The following ADAM20 variants were observed in gnomAD, a reference collection of about 807,000 sequenced individuals.
ADAM20 encodes ADAM metallopeptidase domain 20, also known as disintegrin and metalloproteinase domain-containing protein 20.
For missense variants in ADAM20, 871 were observed against 883.2 expected (o/e 0.99, Z 0.18); for synonymous variants, 305 against 310.2 (o/e 0.98, Z 0.18).
the ADAM20 span, among the ~76,000 whole-genome samples, chr14:70,544,045 G>A: frequency 2.2e-4 from 33 of 151,474 alleles, 1 homozygote; most frequent in Non-Finnish European, 4.1e-4. Context: ...CCAGAGACAC[G>A]CCAGCCCCGA....
At chr14:70,544,985 A>G in the ADAM20 span, among the ~76,000 whole-genome samples, 1 of 152,226 alleles carries the variant, frequency 6.6e-6, no homozygotes, top group African/African-American at 2.4e-5. Context: ...TGTAAGTATT[A>G]GTTCCTATAC....
At position 70,524,269 on chromosome 14, in the gene ADAM20, ACTGT is replaced by A. The variant is rs1226685738; in HGVS notation, c.485_488del (p.Asp162ValfsTer9). On this transcript the variant is annotated frameshift_variant, in exon 2 of 2. Coordinates refer to ENST00000256389, the MANE Select transcript of ADAM20 (RefSeq NM_003814.5). LOFTEE classifies it low-confidence loss of function (END_TRUNC). Reference sequence around the variant, plus strand: ...TCATAGGTGGAAACTGTGTATCATCACTGTCTATCTTATATACTAGGTGTTCAAA... The same window carrying A: ...TCATAGGTGGAAACTGTGTATCATCACTATCTTATATACTAGGTGTTCAAA... The A allele has an allele frequency of 6.2e-7, 1 of 1,613,906 alleles. No homozygotes were observed. The highest frequency in any genetic ancestry group is 8.5e-7 in the Non-Finnish European group (1 of 1,179,950).
At chr14:70,578,904 T>A in the ADAM20 span, among the ~76,000 whole-genome samples, 1 of 152,180 alleles carries the variant, frequency 6.6e-6, no homozygotes, top group Admixed American at 6.5e-5. Context: ...GTGCACTCAA[T>A]GTATAGCTCC....
the ADAM20 span, among the ~76,000 whole-genome samples, chr14:70,566,712 G>A: frequency 7.2e-5 from 11 of 152,312 alleles, no homozygotes; most frequent in South Asian, 2.3e-3. Flanking sequence ...GGGCGCGGTG[G>A]CTCACACTTG....
chr14:70,537,749 T>C (rs934770376), upstream of ADAM20, among the ~76,000 whole-genome samples: 12 of 152,248 alleles, frequency 7.9e-5, no homozygotes, highest in African/African-American at 2.9e-4. Flanking sequence ...CTCGCCAAAC[T>C]TGACATATGC....
chr14:70,530,402 T>C (rs1364087738), intron 1 of ADAM20, among the ~76,000 whole-genome samples: 1 of 152,188 alleles, frequency 6.6e-6, no homozygotes, highest in African/African-American at 2.4e-5. Context: ...TACAGTTAGC[T>C]AACTTTTAAA....
At chr14:70,578,934 G>A in the ADAM20 span, among the ~76,000 whole-genome samples, 74 of 152,136 alleles carry the variant, frequency 4.9e-4, no homozygotes, top group Admixed American at 3.4e-3. Flanking sequence ...GTCAGAACAT[G>A]TGGTATTTGG....
chr14:70,569,473 G>C, the ADAM20 span, among the ~76,000 whole-genome samples: 1 of 152,124 alleles, frequency 6.6e-6, no homozygotes. Flanking sequence ...AAAAGACACA[G>C]AGTGGCAAAT....
chr14:70,537,721 G>A (rs2139546739), upstream of ADAM20, among the ~76,000 whole-genome samples: 1 of 152,136 alleles, frequency 6.6e-6, no homozygotes, highest in East Asian at 1.9e-4. Flanking sequence ...CTCTCCACTG[G>A]GCTGTCTCCT....
At chr14:70,554,846 TACAA>T in the ADAM20 span, among the ~76,000 whole-genome samples, 31 of 152,114 alleles carry the variant, frequency 2.0e-4, no homozygotes, top group African/African-American at 7.0e-4. Flanking sequence ...GGACAAAACG[TACAA>T]ACAGAGCAAG....
chr14:70,522,845 T>C lies in ADAM20; in HGVS notation c.1913A>G (p.Lys638Arg). 1 of 1,614,100 alleles carries C rather than the reference T, an allele frequency of 6.2e-7. No individual in the cohort carries two copies. The highest frequency in any genetic ancestry group is 8.5e-7 in the Non-Finnish European group (1 of 1,179,948). Residue 638 changes from lysine to arginine, a missense_variant, in exon 2 of 2, where the codon AAG becomes AGG. Transcript: ENST00000256389. ...GCAGATTCCCCTCATGTTGCAGGTC[T>C]TAGGCTGACAGGCTTGTGACAGATG... is the stretch of plus-strand genomic sequence containing the variant. ...MVHLSQACQP[K>R]TCNMRGICNN...
In ADAM20 at chr14:70,522,963, C is replaced by T. The variant is rs775376552; in HGVS notation, c.1795G>A (p.Gly599Arg). ...TCACCAATATCAGGTATAGCCATCC[C>T]TAAATGATAATCAGTGCCCCAGCAA... Reference protein sequence around the residue: ...TTCWGTDYHLGMAIPDIGEVK... With the variant: ...TTCWGTDYHLRMAIPDIGEVK... The change falls in exon 2 of 2, where the codon GGG becomes AGG. Residue 599 changes from glycine to arginine, a missense_variant. Physicochemically the swap from Gly to Arg is moderately radical, Grantham distance 125 (BLOSUM62 -2). Coordinates refer to ENST00000256389, the MANE Select transcript of ADAM20 (RefSeq NM_003814.5). The T allele has an allele frequency of 2.9e-5, 47 of 1,613,912 alleles. No homozygotes were observed. The highest frequency in any genetic ancestry group is 3.9e-5 in the Non-Finnish European group (46 of 1,179,954).
chr14:70,554,930 G>T, the ADAM20 span, among the ~76,000 whole-genome samples: 3 of 152,184 alleles, frequency 2.0e-5, no homozygotes, highest in African/African-American at 7.2e-5. Context: ...GAGCATGGGG[G>T]CTCAAAGGCG....
chr14:70,524,233 T>C lies in ADAM20; in HGVS notation c.525A>G (p.Leu175=), dbSNP rs1356641938. The part of the protein sequence containing the change: ...DTQFPPMRCG[L]TEEKIAHQME... ...TCTGGTGTGCTATTTTCTCTTCTGT[T>C]AACCCACATCTCATAGGTGGAAACT... Residue 175 remains leucine, a synonymous_variant, in exon 2 of 2, where the codon TTA becomes TTG. Coordinates refer to ENST00000256389, the MANE Select transcript of ADAM20 (RefSeq NM_003814.5). 6.2e-7 allele frequency: 1 copy of C among 1,614,038 alleles called. No homozygotes were observed. The highest frequency in any genetic ancestry group is 2.2e-5 in the East Asian group (1 of 44,888).
chr14:70,538,011 T>C (rs896774142), upstream of ADAM20, among the ~76,000 whole-genome samples: 1 of 152,044 alleles, frequency 6.6e-6, no homozygotes, highest in African/African-American at 2.4e-5. Flanking sequence ...GGTCTCTCCT[T>C]CCTCCAAAAC....
At chr14:70,556,037 CA>C in the ADAM20 span, among the ~76,000 whole-genome samples, 1 of 152,200 alleles carries the variant, frequency 6.6e-6, no homozygotes, top group African/African-American at 2.4e-5. Flanking sequence ...CTCTAGTCTC[CA>C]ACGCCCACTT....
At chr14:70,562,844 C>A in the ADAM20 span, among the ~76,000 whole-genome samples, 2 of 152,128 alleles carry the variant, frequency 1.3e-5, no homozygotes, top group South Asian at 2.1e-4. Context: ...TATAAATTAC[C>A]CAGTCTCAGG....
chr14:70,528,000 C>T (rs1260703461), intron 1 of ADAM20, among the ~76,000 whole-genome samples: 3 of 152,162 alleles, frequency 2.0e-5, no homozygotes, highest in Non-Finnish European at 2.9e-5. Context: ...CATTAATATT[C>T]TGTAAACTTC....
intron 1 of ADAM20, among the ~76,000 whole-genome samples, chr14:70,527,540 A>G (rs1883616111): frequency 6.6e-6 from 1 of 152,192 alleles, no homozygotes. Flanking sequence ...TTACCAGCAA[A>G]CTGAACAATT....
Sources: gnomAD v4.1 joint callset for allele counts (sites outside exome capture counted in the v4.1 genomes callset) on GRCh38, gnomAD v4.1.1 for gene constraint, MANE v1.5 for transcripts, NCBI Gene and HGNC (gene_info 2026-07-23, HGNC 2026-07-21) for gene names.